The following TAOK3 variants were observed in gnomAD, a reference collection of about 807,000 sequenced individuals.
TAOK3 encodes the protein serine/threonine-protein kinase TAO3.
TAOK3 carries 40 observed loss-of-function variants against 120.4 expected under a neutral mutation model. That is an observed-to-expected ratio of 0.33 (90% CI 0.26 to 0.43). The LOEUF is 0.43. Among genes scored for constraint, TAOK3 ranks in the 20% least tolerant of loss-of-function variants. TAOK3 has a pLI of 1.00. For synonymous variants in TAOK3, 355 were observed against 387.5 expected (o/e 0.92, Z 0.99); for missense variants, 821 against 1,112.1 (o/e 0.74, Z 3.72).
chr12:118,216,928 C>CAAAAA (rs11298822), intron 9 of TAOK3, among the ~76,000 whole-genome samples: 111 of 89,612 alleles, frequency 1.2e-3, no homozygotes, highest in Non-Finnish European at 1.4e-3. Flanking sequence ...GACTCCATCT[C>CAAAAA]AAAAAAAAAA....
In TAOK3 at chr12:118,150,972, T is replaced by TTTTTAAA; in HGVS notation, c.*24_*25insTTTAAAA. Reference sequence around the variant, plus strand: ...TTCTGTTTTCTTTTTTTTTTTTTTTTTTGTAAATGGCAAAAAATTTAATCT... The same window carrying TTTTTAAA: ...TTCTGTTTTCTTTTTTTTTTTTTTTTTTTTAAATTGTAAATGGCAAAAAATTTAATCT... On this transcript the variant is annotated 3_prime_UTR_variant, in exon 21 of 21. Transcript: ENST00000392533. The TTTTTAAA allele has an allele frequency of 6.5e-7, 1 of 1,533,626 alleles. No homozygotes were observed. The highest frequency in any genetic ancestry group is 1.2e-5 in the South Asian group (1 of 80,374).
At chr12:118,231,169 C>T (rs1174838346) in intron 9 of TAOK3, among the ~76,000 whole-genome samples, 1 of 152,024 alleles carries the variant, frequency 6.6e-6, no homozygotes, top group Non-Finnish European at 1.5e-5. Context: ...TGTATATTTA[C>T]CAAGAAGATC....
chr12:118,233,150 G>A (rs1464668643), intron 9 of TAOK3, among the ~76,000 whole-genome samples: 1 of 149,814 alleles, frequency 6.7e-6, no homozygotes, highest in Non-Finnish European at 1.5e-5. Flanking sequence ...ACTATCGCAA[G>A]GACAAAAAAC....
chr12:118,327,043 C>T (rs1222557416), intron 1 of TAOK3, among the ~76,000 whole-genome samples: 1 of 152,194 alleles, frequency 6.6e-6, no homozygotes, highest in Non-Finnish European at 1.5e-5. Context: ...GTCTAAATAA[C>T]TACATGATTA....
chr12:118,174,390 TC>T (rs1004016625), intron 16 of TAOK3, among the ~76,000 whole-genome samples: 2 of 151,856 alleles, frequency 1.3e-5, no homozygotes, highest in African/African-American at 4.8e-5. Context: ...TTTTTTTTTT[TC>T]ATGAGCATGT....
At chr12:118,351,191 TA>T (rs922091042) in intron 1 of TAOK3, among the ~76,000 whole-genome samples, 1 of 151,086 alleles carries the variant, frequency 6.6e-6, no homozygotes, top group African/African-American at 2.4e-5. Flanking sequence ...GAAAATAAAT[TA>T]AAAAAAAATC....
intron 11 of TAOK3, among the ~76,000 whole-genome samples, chr12:118,210,589 A>G (rs535666671): frequency 1.3e-3 from 201 of 152,226 alleles, no homozygotes; most frequent in Non-Finnish European, 2.4e-3. Context: ...CTCTTCATGC[A>G]TGTATCTGCT....
intron 1 of TAOK3, among the ~76,000 whole-genome samples, chr12:118,325,679 T>C (rs920843865): frequency 1.3e-5 from 2 of 152,088 alleles, no homozygotes; most frequent in Non-Finnish European, 2.9e-5. Context: ...GTCTCTTTAT[T>C]TATTTATTTA....
rs78318782 is a variant in TAOK3, at chr12:118,243,524, A to G, written c.193-8T>C. On this transcript the variant is annotated splice_region_variant and splice_polypyrimidine_tract_variant and intron_variant, in intron 4 of 20. Coordinates refer to ENST00000392533, the MANE Select transcript of TAOK3 (RefSeq NM_016281.4). ...AAGAATATCTTGCCATTTCTATTGAAGTCAGAAAAGGAACATTTTAATTTA... is the reference window on the plus strand; with the variant it reads ...AAGAATATCTTGCCATTTCTATTGAGGTCAGAAAAGGAACATTTTAATTTA... The G allele has an allele frequency of 1.1e-3, 1,438 of 1,257,708 alleles. 2 individuals are homozygous for G. Among genetic ancestry groups the G allele is most frequent in the Middle Eastern group, 2.0e-3 (10 of 5,014 alleles). 77.9% of individuals were successfully genotyped at this position (1,257,708 alleles called of 1,614,324 possible). A position where few individuals can be genotyped will look rare whatever the true frequency, so the allele number is the denominator to read the frequency against.
chr12:118,282,636 TAGGCCCCTAGGG>T (rs932299571), intron 1 of TAOK3, among the ~76,000 whole-genome samples: 1 of 152,218 alleles, frequency 6.6e-6, no homozygotes, highest in Non-Finnish European at 1.5e-5. Context: ...AAAAAATGGG[TAGGCCCCTAGGG>T]AGGAAAGACA....
chr12:118,359,010 A>G (rs1408933618), intron 1 of TAOK3: 2 of 152,212 alleles, frequency 1.3e-5, no homozygotes, highest in Non-Finnish European at 2.9e-5. Context: ...AATCAATACG[A>G]TTTCCCCAGA....
chr12:118,341,719 T>TA (rs993899708), intron 1 of TAOK3, among the ~76,000 whole-genome samples: 8 of 152,126 alleles, frequency 5.3e-5, no homozygotes, highest in Non-Finnish European at 7.4e-5. Context: ...TAAACCATGC[T>TA]AAAAAAACCC....
At chr12:118,335,807 C>G (rs561207555) in intron 1 of TAOK3, among the ~76,000 whole-genome samples, 1 of 152,020 alleles carries the variant, frequency 6.6e-6, no homozygotes, top group South Asian at 2.1e-4. Flanking sequence ...CCAGTCTGGG[C>G]GACAGAGTGA....
At chr12:118,331,394 C>T (rs145863687) in intron 1 of TAOK3, among the ~76,000 whole-genome samples, 2 of 152,022 alleles carry the variant, frequency 1.3e-5, no homozygotes, top group Non-Finnish European at 2.9e-5. Flanking sequence ...CCTGTAATCC[C>T]AGCACTTTGG....
chr12:118,235,060 G>C (rs978268382), intron 8 of TAOK3, among the ~76,000 whole-genome samples: 1 of 152,160 alleles, frequency 6.6e-6, no homozygotes. Flanking sequence ...ACGTGTCTAG[G>C]AAAGGAAGGA....
intron 1 of TAOK3, among the ~76,000 whole-genome samples, chr12:118,352,168 G>A (rs533409291): frequency 5.5e-4 from 84 of 151,874 alleles, no homozygotes; most frequent in African/African-American, 1.4e-3. Context: ...CACCGCGCCC[G>A]GCCTAATCTA....
intron 17 of TAOK3, among the ~76,000 whole-genome samples, chr12:118,165,478 T>C (rs2035518568): frequency 6.6e-6 from 1 of 152,210 alleles, no homozygotes; most frequent in Non-Finnish European, 1.5e-5. Context: ...CTTAATGAAA[T>C]GCTTCAAGAT....
At chr12:118,217,445 G>T (rs117331697) in intron 9 of TAOK3, among the ~76,000 whole-genome samples, 3,019 of 152,112 alleles carry the variant, frequency 0.02, 49 homozygotes, top group South Asian at 0.028. Context: ...CCAGAACTTT[G>T]GGAGACTAAG....
At chr12:118,238,196 G>A (rs1236362885) in intron 6 of TAOK3, 27 bp from the exon 7 acceptor site, 18 of 1,349,156 alleles carry the variant, frequency 1.3e-5, no homozygotes, top group Non-Finnish European at 1.8e-5. Context: ...AAAAAAGTCA[G>A]TAGATGATCA....
Sources: gnomAD v4.1 joint callset for allele counts (sites outside exome capture counted in the v4.1 genomes callset) on GRCh38, gnomAD v4.1.1 for gene constraint, MANE v1.5 for transcripts, NCBI Gene and HGNC (gene_info 2026-07-23, HGNC 2026-07-21) for gene names.